The following GPM6A variants were observed in gnomAD, a reference collection of about 807,000 sequenced individuals.
GPM6A encodes the protein glycoprotein M6A.
Under a neutral mutation model 32.1 loss-of-function variants are expected in GPM6A, and 7 were observed. The ratio of observed to expected loss-of-function variants is 0.22; its 90% CI spans 0.12 to 0.41. The LOEUF (loss-of-function observed/expected upper bound fraction) is 0.41. Ranked by LOEUF, GPM6A falls within the 10% of genes least tolerant of loss-of-function variation. The pLI is 1.00. For missense variants in GPM6A, 235 were observed against 347.2 expected (o/e 0.68, Z 2.57); for synonymous variants, 130 against 123.4 (o/e 1.05, Z -0.35).
At chr4:175,935,652 T>C (rs1739193016) in intron 1 of GPM6A, among the ~76,000 whole-genome samples, 1 of 152,176 alleles carries the variant, frequency 6.6e-6, no homozygotes, top group Non-Finnish European at 1.5e-5. Context: ...ATACAAGGAA[T>C]AAAATGATTT....
At chr4:175,886,938 G>GA (rs1158680196) in intron 1 of GPM6A, among the ~76,000 whole-genome samples, 6 of 151,982 alleles carry the variant, frequency 3.9e-5, no homozygotes, top group Admixed American at 3.3e-4. Flanking sequence ...TAAATAAATG[G>GA]AAAAGTATAT....
At chr4:175,780,809 T>C (rs17062007) in intron 1 of GPM6A, among the ~76,000 whole-genome samples, 8,039 of 152,154 alleles carry the variant, frequency 0.053, 696 homozygotes, top group African/African-American at 0.18. Flanking sequence ...ATCTCCAAAA[T>C]AAGTGAATTT....
chr4:175,770,922 A>G (rs1392426451), intron 1 of GPM6A, among the ~76,000 whole-genome samples: 3 of 152,146 alleles, frequency 2.0e-5, no homozygotes, highest in African/African-American at 7.2e-5. Flanking sequence ...TCCCTTATTT[A>G]CTGGTATTAA....
At chr4:175,689,444 G>A (rs1434039554) in intron 2 of GPM6A, among the ~76,000 whole-genome samples, 1 of 133,940 alleles carries the variant, frequency 7.5e-6, no homozygotes, top group African/African-American at 2.5e-5. Flanking sequence ...TTTATTTATA[G>A]CGTTTTTTTT....
intron 1 of GPM6A, among the ~76,000 whole-genome samples, chr4:175,818,056 C>T (rs866753571): frequency 6.6e-6 from 1 of 152,096 alleles, no homozygotes; most frequent in Non-Finnish European, 1.5e-5. Context: ...ATTGTATTTT[C>T]ACATAATTAC....
chr4:175,636,297 T>C (rs557411343), intron 6 of GPM6A, among the ~76,000 whole-genome samples: 2,823 of 132,060 alleles, frequency 0.021, 125 homozygotes, highest in African/African-American at 0.065. Context: ...TATATATATA[T>C]ACATATATAT....
At chr4:175,734,820 C>A (rs907217981) in intron 1 of GPM6A, among the ~76,000 whole-genome samples, 8 of 152,030 alleles carry the variant, frequency 5.3e-5, no homozygotes, top group African/African-American at 1.9e-4. Flanking sequence ...TTGCAGTGAG[C>A]CGAGATTGAG....
chr4:175,890,486 CAATTT>C (rs1737606121), intron 1 of GPM6A, among the ~76,000 whole-genome samples: 1 of 119,480 alleles, frequency 8.4e-6, no homozygotes, highest in African/African-American at 3.5e-5. Context: ...ATGTTTAGAG[CAATTT>C]TATTTTATTT....
intron 1 of GPM6A, among the ~76,000 whole-genome samples, chr4:175,918,232 G>T (rs1353641620): frequency 6.6e-6 from 1 of 152,070 alleles, no homozygotes; most frequent in African/African-American, 2.4e-5. Flanking sequence ...AGCTATGAAT[G>T]TTTTTAAAAA....
At chr4:175,980,075 A>T (rs1023852311) in intron 1 of GPM6A, among the ~76,000 whole-genome samples, 2 of 152,222 alleles carry the variant, frequency 1.3e-5, no homozygotes, top group Non-Finnish European at 2.9e-5. Context: ...ACCTTGAATT[A>T]AGTAATATTA....
chr4:175,737,952 T>C (rs1731730184), intron 1 of GPM6A, among the ~76,000 whole-genome samples: 1 of 152,024 alleles, frequency 6.6e-6, no homozygotes, highest in East Asian at 1.9e-4. Flanking sequence ...TTTTTTTTTT[T>C]TTGAAGTGGA....
chr4:175,970,931 G>A (rs767578365), intron 1 of GPM6A: 1 of 456,038 alleles, frequency 2.2e-6, no homozygotes, highest in Non-Finnish European at 4.4e-6. Context: ...GAAGAACACA[G>A]GGTGCGGTAC....
At chr4:175,812,748 G>C (rs1036701344), upstream of GPM6A, 4 of 985,320 alleles carry the variant, frequency 4.1e-6, no homozygotes, top group Non-Finnish European at 4.8e-6. Context: ...CTTCATTCCA[G>C]AGTGGGAAAG....
At chr4:175,873,716 TA>T (rs1474369966) in intron 1 of GPM6A, among the ~76,000 whole-genome samples, 2 of 152,186 alleles carry the variant, frequency 1.3e-5, no homozygotes, top group Non-Finnish European at 2.9e-5. Context: ...CCCCAATATT[TA>T]AAAGAGATAA....
intron 1 of GPM6A, among the ~76,000 whole-genome samples, chr4:175,857,947 A>T (rs1259172715): frequency 1.3e-5 from 2 of 151,784 alleles, no homozygotes; most frequent in African/African-American, 4.8e-5. Context: ...TTGAAATTTT[A>T]AAAATACCAT....
In GPM6A at chr4:175,892,976, G is replaced by A. The variant is rs144093039; in HGVS notation, c.-22-80727C>T. Among the ~76,000 whole-genome samples the A allele has an allele frequency of 9.5e-4, 145 of 152,266 alleles. No individual in the cohort carries two copies. The Middle Eastern group carries it at 0.017, about 18-fold the overall frequency. On this transcript the variant is annotated intron_variant, in intron 1 of 7. Coordinates refer to the GPM6A transcript ENST00000280187. The stretch of plus-strand genomic sequence containing the variant: ...GGAGTCCCAGTGACTAGACAGTTGG[G>A]CTGGTCCTGCTCCTGACCACTGTTC...
chr4:175,795,527 A>G (rs1236898620), intron 1 of GPM6A, among the ~76,000 whole-genome samples: 1 of 151,940 alleles, frequency 6.6e-6, no homozygotes, highest in Non-Finnish European at 1.5e-5. Flanking sequence ...AGGAGGGAGG[A>G]TTGCTTGAGA....
chr4:175,910,972 A>G (rs1449432701), intron 1 of GPM6A, among the ~76,000 whole-genome samples: 1 of 152,180 alleles, frequency 6.6e-6, no homozygotes, highest in Non-Finnish European at 1.5e-5. Flanking sequence ...TCTCCCTCAG[A>G]CAGCCTTAAA....
intron 1 of GPM6A, among the ~76,000 whole-genome samples, chr4:175,986,858 C>T (rs1740992193): frequency 6.6e-6 from 1 of 152,196 alleles, no homozygotes; most frequent in South Asian, 2.1e-4. Context: ...CATTTCTATA[C>T]TCCAGTCAAC....
Sources: gnomAD v4.1 joint callset for allele counts (sites outside exome capture counted in the v4.1 genomes callset) on GRCh38, gnomAD v4.1.1 for gene constraint, MANE v1.5 for transcripts, NCBI Gene and HGNC (gene_info 2026-07-23, HGNC 2026-07-21) for gene names.